Variants in LARGE1 observed in about 807,000 individuals in gnomAD.
LARGE1 encodes LARGE xylosyl- and glucuronyltransferase 1, also known as xylosyl- and glucuronyltransferase LARGE1.
A neutral mutation model predicts 87.6 loss-of-function variants in LARGE1; 43 were observed. That is an observed-to-expected ratio of 0.49 (90% CI 0.38 to 0.63). The LOEUF is 0.63. Ranked by LOEUF, LARGE1 falls within the 30% of genes least tolerant of loss-of-function variation. The pLI is 0.00. For missense variants in LARGE1, 802 were observed against 1,000.2 expected (o/e 0.80, Z 2.67); for synonymous variants, 434 against 394.6 (o/e 1.10, Z -1.18).
intron 11 of LARGE1, among the ~76,000 whole-genome samples, chr22:33,207,639 A>T (rs1924751361): frequency 6.6e-6 from 1 of 152,160 alleles, no homozygotes; most frequent in African/African-American, 2.4e-5. Context: ...CCACAGAGTG[A>T]GAGCGTCGGC....
chr22:33,911,787 C>T (rs752290288), intron 1 of LARGE1, among the ~76,000 whole-genome samples: 2 of 152,146 alleles, frequency 1.3e-5, no homozygotes, highest in Non-Finnish European at 2.9e-5. Context: ...GTTTGAACCA[C>T]AACAATGATC....
At chr22:33,478,020 G>A (rs1367891383) in intron 6 of LARGE1, among the ~76,000 whole-genome samples, 2 of 151,978 alleles carry the variant, frequency 1.3e-5, no homozygotes, top group African/African-American at 4.8e-5. Context: ...ACCTCTTCAG[G>A]GTTAAAGGTG....
chr22:33,695,699 T>G (rs1486687542), intron 2 of LARGE1, among the ~76,000 whole-genome samples: 1 of 152,220 alleles, frequency 6.6e-6, no homozygotes, highest in Non-Finnish European at 1.5e-5. Flanking sequence ...ATGTATATCA[T>G]TAACCAGGAT....
At chr22:33,575,923 C>G (rs1161883612) in intron 5 of LARGE1, among the ~76,000 whole-genome samples, 1 of 152,214 alleles carries the variant, frequency 6.6e-6, no homozygotes, top group Non-Finnish European at 1.5e-5. Context: ...GGAGCATTTA[C>G]AGACTGCCTG....
chr22:33,713,724 A>C (rs1730730737), intron 2 of LARGE1, among the ~76,000 whole-genome samples: 1 of 152,102 alleles, frequency 6.6e-6, no homozygotes, highest in Non-Finnish European at 1.5e-5. Context: ...TGGGTGTCCA[A>C]GGTGAGAGGA....
At chr22:33,642,212 A>T (rs538516324) in intron 3 of LARGE1, among the ~76,000 whole-genome samples, 44 of 152,352 alleles carry the variant, frequency 2.9e-4, no homozygotes, top group African/African-American at 1.0e-3. Flanking sequence ...GCCAGAATAG[A>T]ATAGGGATCA....
At chr22:33,338,040 T>G (rs555983242) in intron 9 of LARGE1, among the ~76,000 whole-genome samples, 1 of 152,304 alleles carries the variant, frequency 6.6e-6, no homozygotes, top group Admixed American at 6.5e-5. Flanking sequence ...TGAATCTCTG[T>G]GCCTCAGTTT....
upstream of LARGE1, chr22:33,922,464 G>A (rs889332365): frequency 6.6e-6 from 1 of 152,290 alleles, no homozygotes; most frequent in Non-Finnish European, 1.5e-5. Flanking sequence ...CCCGGCTCCG[G>A]AGCGCTGTTT....
intron 2 of LARGE1, among the ~76,000 whole-genome samples, chr22:33,706,738 G>T (rs906458347): frequency 6.6e-6 from 1 of 152,148 alleles, no homozygotes; most frequent in Admixed American, 6.5e-5. Context: ...AGTTCTTTTC[G>T]TCAAAAGACA....
chr22:33,253,887 A>G (rs1177622492), intron 11 of LARGE1, among the ~76,000 whole-genome samples: 1 of 145,650 alleles, frequency 6.9e-6, no homozygotes, highest in Non-Finnish European at 1.5e-5. Context: ...CTCCTTCCCA[A>G]TTTTCATTCT....
chr22:33,592,852 A>G (rs9609832), intron 5 of LARGE1, among the ~76,000 whole-genome samples: 12,951 of 34,888 alleles, frequency 0.37, 689 homozygotes, highest in African/African-American at 0.45. Flanking sequence ...GTGTGTGTGT[A>G]TTTTTTGAGA....
chr22:33,882,466 G>A (rs2064724870), intron 1 of LARGE1, among the ~76,000 whole-genome samples: 1 of 152,166 alleles, frequency 6.6e-6, no homozygotes, highest in African/African-American at 2.4e-5. Context: ...CCTCAGCAGT[G>A]ATAAAGGGGC....
chr22:33,087,487 A>T, the LARGE1 span, among the ~76,000 whole-genome samples: 1 of 152,212 alleles, frequency 6.6e-6, no homozygotes, highest in Non-Finnish European at 1.5e-5. Context: ...TGGAAGCAAC[A>T]TGTGTACCCA....
At chr22:33,429,860 G>C (rs572963693) in intron 7 of LARGE1, among the ~76,000 whole-genome samples, 4 of 152,104 alleles carry the variant, frequency 2.6e-5, no homozygotes. Context: ...TCCCTGGCCC[G>C]CTGTGGGTTC....
chr22:33,893,625 T>C (rs1298019534), intron 1 of LARGE1, among the ~76,000 whole-genome samples: 3 of 152,220 alleles, frequency 2.0e-5, no homozygotes, highest in South Asian at 4.1e-4. Context: ...CGAAGTGACC[T>C]TAAGACTTCT....
chr22:33,879,564 C>T (rs1428599974), intron 1 of LARGE1, among the ~76,000 whole-genome samples: 2 of 152,208 alleles, frequency 1.3e-5, no homozygotes, highest in African/African-American at 4.8e-5. Flanking sequence ...CCTGTCTTTG[C>T]TCTTCCTGTC....
chr22:33,468,189 G>A (rs1157145053), intron 6 of LARGE1, among the ~76,000 whole-genome samples: 1 of 152,098 alleles, frequency 6.6e-6, no homozygotes, highest in Non-Finnish European at 1.5e-5. Context: ...CCTTTGTTGA[G>A]GACTCTCCAA....
intron 1 of LARGE1, among the ~76,000 whole-genome samples, chr22:33,812,583 C>T (rs5999111): frequency 0.16 from 23,720 of 152,194 alleles, 2,545 homozygotes; most frequent in African/African-American, 0.31. Context: ...ATCTTTGATC[C>T]GCCGGGTTGA....
downstream of LARGE1, among the ~76,000 whole-genome samples, chr22:33,268,490 C>T (rs913861018): frequency 4.7e-5 from 7 of 148,478 alleles, no homozygotes; most frequent in South Asian, 2.1e-4. Flanking sequence ...GTGCATGGCG[C>T]GATCTTGGCT....
Sources: gnomAD v4.1 joint callset for allele counts (sites outside exome capture counted in the v4.1 genomes callset) on GRCh38, gnomAD v4.1.1 for gene constraint, MANE v1.5 for transcripts, NCBI Gene and HGNC (gene_info 2026-07-23, HGNC 2026-07-21) for gene names.